Variants in MEIOSIN observed in about 807,000 individuals in gnomAD.
The protein encoded by MEIOSIN is meiosis initiator protein.
Under a neutral mutation model 23.4 loss-of-function variants are expected in MEIOSIN, and 18 were observed. That is an observed-to-expected ratio of 0.77 (90% confidence interval 0.53 to 1.14). The LOEUF (loss-of-function observed/expected upper bound fraction) is 1.14, where lower values mean the gene tolerates loss of function less well. MEIOSIN is among the 50% of genes most tolerant of loss of function. The pLI is 0.00. For missense variants in MEIOSIN, 428 were observed against 242.9 expected (o/e 1.76, Z -5.07); for synonymous variants, 187 against 100.6 (o/e 1.86, Z -5.14).
chr19:45,739,853 C>CTT (rs766765725), intron 3 of MEIOSIN, 123 bp downstream of exon 3: 3,080 of 521,348 alleles, frequency 5.9e-3, no homozygotes, highest in Admixed American at 8.8e-3. Context: ...TTCTTTCTTC[C>CTT]TTTTTTTTTT....
At position 45,759,446 on chromosome 19, in the gene MEIOSIN, G is replaced by T. The variant is rs1159817911; in HGVS notation, c.1201G>T (p.Glu401Ter). The change falls in exon 11 of 15, where the codon GAG (glutamate) becomes TAG (stop). Residue 401 changes from glutamate (E) to a stop codon, truncating the protein, a stop_gained. Coordinates refer to ENST00000457052, the MANE Select transcript of MEIOSIN (RefSeq NM_001310124.2). LOFTEE classifies it high-confidence loss of function. ...AFFEEVCLDLESSPSAYTQEA... is the reference protein window; with the variant it reads ...AFFEEVCLDL ...CTTTGAAGAAGTGTGCTTAGATCTGGAGTCTTCACCTTCAGCCTACACGCA... is the reference window on the plus strand; with the variant it reads ...CTTTGAAGAAGTGTGCTTAGATCTGTAGTCTTCACCTTCAGCCTACACGCA... 1.4e-6 allele frequency: 1 copy of T among 703,386 alleles called. No homozygotes were observed. The highest frequency in any genetic ancestry group is 2.6e-6 in the Non-Finnish European group (1 of 385,052). The allele number at this position is 703,386 out of a possible 1,614,324, so 43.6% of individuals were successfully genotyped here.
At position 45,759,156 on chromosome 19, in the gene MEIOSIN, C is replaced by T. The variant is rs569406637; in HGVS notation, c.1168+123C>T. 87 of 649,754 alleles carry T rather than the reference C, an allele frequency of 1.3e-4. No individual in the cohort carries two copies. In the African/African-American group the frequency reaches 1.5e-3, roughly 11 times the overall value. The allele number at this position is 649,754 out of a possible 1,614,324, so 40.2% of individuals were successfully genotyped here. A position where few individuals can be genotyped will look rare whatever the true frequency, so the allele number is the denominator to read the frequency against. On this transcript the variant is annotated intron_variant, in intron 10 of 14. Transcript: ENST00000457052. The stretch of plus-strand genomic sequence containing the variant: ...CCCTGGCCCTGCCTCAAGGAGCCCA[C>T]GGCCTAGTGGGGGAGCAGCCACAGG...
chr19:45,760,912 A>G (rs1968924552), intron 11 of MEIOSIN, among the ~76,000 whole-genome samples: 1 of 149,938 alleles, frequency 6.7e-6, no homozygotes, highest in African/African-American at 2.4e-5. Context: ...GGACAAGAGT[A>G]AGACTCCGTC....
At chr19:45,744,368 C>T (rs1256707608) in intron 3 of MEIOSIN, among the ~76,000 whole-genome samples, 3 of 152,006 alleles carry the variant, frequency 2.0e-5, no homozygotes, top group African/African-American at 7.2e-5. Context: ...TTCTTTATCA[C>T]GGCTAGCTTC....
At chr19:45,734,417 G>T (rs568233633) in intron 1 of MEIOSIN, among the ~76,000 whole-genome samples, 3 of 152,222 alleles carry the variant, frequency 2.0e-5, no homozygotes, top group African/African-American at 7.2e-5. Flanking sequence ...CTTAGTATTA[G>T]GATCATATTT....
chr19:45,751,313 T>TAATAATAATAA (rs1228365499), intron 5 of MEIOSIN, among the ~76,000 whole-genome samples: 1 of 95,596 alleles, frequency 1.0e-5, no homozygotes, highest in Non-Finnish European at 2.3e-5. Flanking sequence ...AATAATAATA[T>TAATAATAATAA]ATACATAAAA....
Position 45,755,955 on chromosome 19 carries a change from T to C in MEIOSIN, c.803-15T>C, listed in dbSNP as rs1455493036. The C allele has an allele frequency of 4.3e-6, 3 of 701,302 alleles. No individual in the cohort carries two copies. Among genetic ancestry groups the C allele is most frequent in the East Asian group, 5.4e-5 (2 of 37,296 alleles). 43.4% of individuals were successfully genotyped at this position (701,302 alleles called of 1,614,324 possible). On this transcript the variant is annotated splice_polypyrimidine_tract_variant and intron_variant, in intron 7 of 14. Transcript: ENST00000457052. ...GTCCAGTCCCCAGGCATGGTCATCC[T>C]GATCTGCCCCTTAGGCTGCTGGTGC...
chr19:45,760,419 C>T (rs919347734), intron 11 of MEIOSIN, among the ~76,000 whole-genome samples: 1 of 148,974 alleles, frequency 6.7e-6, no homozygotes, highest in African/African-American at 2.5e-5. Context: ...CCAGTCTGGC[C>T]ATCATGGCGA....
chr19:45,743,741 T>C (rs1317415922), intron 3 of MEIOSIN, among the ~76,000 whole-genome samples: 2 of 152,184 alleles, frequency 1.3e-5, no homozygotes, highest in African/African-American at 4.8e-5. Context: ...AGGCTGGCCT[T>C]GAACTCCTGG....
chr19:45,753,917 C>G, intron 6 of MEIOSIN, 129 bp downstream of exon 6: 1 of 602,780 alleles, frequency 1.7e-6, no homozygotes, highest in Non-Finnish European at 3.0e-6. Flanking sequence ...CCAGCTCCTC[C>G]TTGTATTAGC....
At chr19:45,739,577 A>G in intron 2 of MEIOSIN, 49 bp from the exon 3 acceptor site, 1 of 701,698 alleles carries the variant, frequency 1.4e-6, no homozygotes, top group Non-Finnish European at 2.6e-6. Flanking sequence ...GGCCAAACCT[A>G]GGATTACCAC....
chr19:45,744,186 A>G (rs1471747132), intron 3 of MEIOSIN, among the ~76,000 whole-genome samples: 2 of 150,022 alleles, frequency 1.3e-5, no homozygotes, highest in Admixed American at 6.7e-5. Context: ...TGTCCAGCTA[A>G]TTTTTGTATT....
Position 45,761,924 on chromosome 19 carries a change from C to T in MEIOSIN, c.1435-15C>T, listed in dbSNP as rs550134685. On this transcript the variant is annotated splice_polypyrimidine_tract_variant and intron_variant, in intron 12 of 14. Transcript: ENST00000457052. ...AGGGCCTCCTTCCTCTCTCACCACC[C>T]TCTCCCTCCCCCAGGATATGCAGGC... The T allele has an allele frequency of 7.3e-5, 44 of 604,360 alleles. No individual in the cohort carries two copies. In the African/African-American group the frequency reaches 8.1e-4, roughly 11 times the overall value. The allele number at this position is 604,360 out of a possible 1,614,324, so 37.4% of individuals were successfully genotyped here.
rs1420547293 is a variant in MEIOSIN at position 45,763,319 on chromosome 19, C to T, written c.1680-19C>T. On this transcript the variant is annotated intron_variant, in intron 13 of 14. Transcript: ENST00000457052. ...TGTCCTGCAGACCTCTCCTTACCTC[C>T]TCCTCCTTCCTGTCCCAGATCCTGC... 1.8e-5 allele frequency: 7 copies of T among 398,678 alleles called. No homozygotes were observed. The highest frequency in any genetic ancestry group is 1.2e-4 in the African/African-American group (6 of 48,644). 24.7% of individuals were successfully genotyped at this position (398,678 alleles called of 1,614,324 possible).
chr19:45,748,565 G>A (rs528264597), intron 4 of MEIOSIN, among the ~76,000 whole-genome samples: 14 of 152,294 alleles, frequency 9.2e-5, no homozygotes, highest in African/African-American at 3.1e-4. Flanking sequence ...CCAGACTCTG[G>A]TGTAGCCCCC....
chr19:45,750,418 GGCGTGATCTTGGCTCACT>G (rs1723527004), intron 4 of MEIOSIN, among the ~76,000 whole-genome samples: 1 of 148,684 alleles, frequency 6.7e-6, no homozygotes, highest in Non-Finnish European at 1.5e-5. Context: ...GGAGTGCAAC[GGCGTGATCTTGGCTCACT>G]GCAACCTCCG....
chr19:45,750,207 G>A (rs949287012), intron 4 of MEIOSIN, among the ~76,000 whole-genome samples: 2 of 146,250 alleles, frequency 1.4e-5, no homozygotes, highest in African/African-American at 5.0e-5. Flanking sequence ...CAGTGAGACA[G>A]GGGCTACAGC....
chr19:45,752,518 TTTTG>T (rs1224387628), intron 5 of MEIOSIN, among the ~76,000 whole-genome samples: 1 of 152,012 alleles, frequency 6.6e-6, no homozygotes, highest in East Asian at 1.9e-4. Flanking sequence ...TGGCTAATAT[TTTTG>T]TTTGTTTTTT....
At position 45,757,294 on chromosome 19, in the gene MEIOSIN, C is replaced by T. The variant is rs920459093; in HGVS notation, c.1012+17C>T. ...GCCCCCAAGGTGACTGCAACTCTGT[C>T]TCTCCTCCTTGTAGGCTGGTGTGGG... On this transcript the variant is annotated intron_variant, in intron 9 of 14. Coordinates refer to ENST00000457052, the MANE Select transcript of MEIOSIN (RefSeq NM_001310124.2). 1.6e-5 allele frequency: 11 copies of T among 700,848 alleles called. No individual in the cohort carries two copies. Among genetic ancestry groups the T allele is most frequent in the Non-Finnish European group, 2.9e-5 (11 of 383,612 alleles). The allele number at this position is 700,848 out of a possible 1,614,324, so 43.4% of individuals were successfully genotyped here. A position where few individuals can be genotyped will look rare whatever the true frequency, so the allele number is the denominator to read the frequency against.
Sources: allele counts gnomAD v4.1 joint callset (sites outside exome capture counted in the v4.1 genomes callset), GRCh38; gene constraint gnomAD v4.1.1; transcripts MANE v1.5; gene names NCBI Gene and HGNC (gene_info 2026-07-23, HGNC 2026-07-21).